Variants in TSC22D1 observed in about 807,000 individuals in gnomAD.
The protein encoded by TSC22D1 is TSC22 domain family protein 1.
Under a neutral mutation model 74.2 loss-of-function variants are expected in TSC22D1, and 9 were observed. The observed-to-expected ratio is 0.12, with a 90% CI of 0.07 to 0.21. The LOEUF (loss-of-function observed/expected upper bound fraction) is 0.21. TSC22D1 is among the 10% of genes least tolerant of loss of function. The pLI, the probability that TSC22D1 is intolerant of heterozygous loss-of-function variation, is 1.00. For missense variants in TSC22D1, 1,427 were observed against 1,304.7 expected (o/e 1.09, Z -1.44); for synonymous variants, 586 against 492.5 (o/e 1.19, Z -2.51).
At chr13:44,456,245 G>C (rs141452431) in intron 1 of TSC22D1, among the ~76,000 whole-genome samples, 1 of 152,192 alleles carries the variant, frequency 6.6e-6, no homozygotes, top group Non-Finnish European at 1.5e-5. Flanking sequence ...CGGAGAAGAA[G>C]ACCCGAGCGG....
chr13:44,508,556 T>C (rs1451204335), intron 1 of TSC22D1, among the ~76,000 whole-genome samples: 2 of 152,190 alleles, frequency 1.3e-5, no homozygotes, highest in African/African-American at 4.8e-5. Context: ...CTTATTCCTC[T>C]ATAATCCGTT....
intron 2 of TSC22D1, 92 bp from the exon 3 acceptor site, chr13:44,434,975 A>C: frequency 1.8e-6 from 2 of 1,098,388 alleles, no homozygotes; most frequent in South Asian, 3.0e-5. Context: ...GGATCTCCCT[A>C]ACTATTTACA....
chr13:44,487,498 CAAAAAAAAAAAAAAA>C (rs61034237), intron 1 of TSC22D1, among the ~76,000 whole-genome samples: 103 of 23,462 alleles, frequency 4.4e-3, no homozygotes, highest in African/African-American at 0.021. Flanking sequence ...GACTCCATCT[CAAAAAAAAAAAAAAA>C]AAAAAAAAAA....
At position 44,434,673 on chromosome 13, in the gene TSC22D1, G is replaced by A; in HGVS notation, c.3175C>T (p.Gln1059Ter). 1 of 1,605,092 alleles carries A rather than the reference G, an allele frequency of 6.2e-7. No individual in the cohort carries two copies. The highest frequency in any genetic ancestry group is 8.5e-7 in the Non-Finnish European group (1 of 1,176,280). The part of the protein sequence containing the change: ...PATTQPQGTT[Q>*]PPAQPASQGS... ...TGCGATGCTGGCTGGGCGGGGGGCT[G>A]TGTGGTGCCCTGTGGCTGGGTGGTG... Residue 1059 changes from glutamine (Q) to a stop codon, truncating the protein, a stop_gained, in exon 3 of 3, where the codon CAG becomes TAG. Coordinates refer to ENST00000458659, the MANE Select transcript of TSC22D1 (RefSeq NM_183422.4). LOFTEE classifies it high-confidence loss of function.
intron 2 of TSC22D1, chr13:44,435,208 C>A (rs1040096677): frequency 1.4e-5 from 3 of 221,316 alleles, no homozygotes; most frequent in African/African-American, 4.6e-5. Context: ...CAAGCCACAG[C>A]GCGCCCACCG....
chr13:44,512,525 T>C (rs771713139), intron 1 of TSC22D1, among the ~76,000 whole-genome samples: 4 of 152,184 alleles, frequency 2.6e-5, no homozygotes, highest in Admixed American at 6.5e-5. Context: ...TCTGTAAACC[T>C]GTTTCTCCTA....
intron 1 of TSC22D1, chr13:44,539,016 G>T: frequency 1.0e-6 from 1 of 985,350 alleles, no homozygotes; most frequent in Non-Finnish European, 1.2e-6. Context: ...CATTGTAGGT[G>T]ATAAGAACTT....
chr13:44,566,332 C>A (rs540169595), intron 1 of TSC22D1, among the ~76,000 whole-genome samples: 6 of 152,078 alleles, frequency 3.9e-5, no homozygotes, highest in African/African-American at 1.4e-4. Flanking sequence ...AAATACTCAG[C>A]AAGTTTCAGT....
intron 1 of TSC22D1, among the ~76,000 whole-genome samples, chr13:44,553,215 A>C (rs976587726): frequency 5.9e-5 from 9 of 152,194 alleles, no homozygotes; most frequent in Non-Finnish European, 1.2e-4. Context: ...TATATGATGA[A>C]AGAGTTGGAT....
intron 1 of TSC22D1, among the ~76,000 whole-genome samples, chr13:44,443,974 A>G (rs1875407856): frequency 1.3e-5 from 2 of 152,190 alleles, no homozygotes; most frequent in Non-Finnish European, 2.9e-5. Flanking sequence ...AAGATAGCAG[A>G]TTTAAACCAA....
chr13:44,435,599 C>T (rs1566109279), intron 2 of TSC22D1, among the ~76,000 whole-genome samples: 2 of 152,194 alleles, frequency 1.3e-5, no homozygotes, highest in African/African-American at 2.4e-5. Flanking sequence ...CCCGCGCCAC[C>T]GGGGACCCGT....
At chr13:44,439,528 T>A (rs1449248515) in intron 1 of TSC22D1, among the ~76,000 whole-genome samples, 6 of 152,228 alleles carry the variant, frequency 3.9e-5, no homozygotes, top group Non-Finnish European at 8.8e-5. Flanking sequence ...AAACGATCCA[T>A]ATGTCTGGTG....
Position 44,434,466 on chromosome 13 carries a change from A to T in TSC22D1, c.*160T>A, listed in dbSNP as rs1026250174. 4.3e-6 allele frequency: 6 copies of T among 1,381,812 alleles called. No homozygotes were observed. The highest frequency in any genetic ancestry group is 5.6e-6 in the Non-Finnish European group (6 of 1,075,072). 85.6% of individuals were successfully genotyped at this position (1,381,812 alleles called of 1,614,324 possible). A position where few individuals can be genotyped will look rare whatever the true frequency, so the allele number is the denominator to read the frequency against. On this transcript the variant is annotated 3_prime_UTR_variant, in exon 3 of 3. Transcript: ENST00000458659. ...AATTTCTCCAAGCCATAAGCATATG[A>T]GTGTTTAATACTGGAAAAGAGATAA...
intron 1 of TSC22D1, among the ~76,000 whole-genome samples, chr13:44,476,956 G>T (rs1316896606): frequency 6.6e-6 from 1 of 151,022 alleles, no homozygotes; most frequent in Non-Finnish European, 1.5e-5. Context: ...GGCACGAGTT[G>T]CCACACCTGG....
intron 1 of TSC22D1, among the ~76,000 whole-genome samples, chr13:44,534,698 C>T (rs890558317): frequency 6.6e-6 from 1 of 152,094 alleles, no homozygotes; most frequent in Non-Finnish European, 1.5e-5. Context: ...TACAAGACTT[C>T]CGAGTTACAG....
intron 1 of TSC22D1, among the ~76,000 whole-genome samples, chr13:44,445,863 A>C (rs963648797): frequency 6.6e-6 from 1 of 152,220 alleles, no homozygotes; most frequent in African/African-American, 2.4e-5. Context: ...ATATAGTTTA[A>C]ATTTTAAACC....
At chr13:44,496,382 T>A (rs1388190619) in intron 1 of TSC22D1, among the ~76,000 whole-genome samples, 2 of 151,900 alleles carry the variant, frequency 1.3e-5, no homozygotes, top group African/African-American at 2.4e-5. Context: ...CAAAACTTTT[T>A]TAAAAAAATC....
intron 1 of TSC22D1, among the ~76,000 whole-genome samples, chr13:44,569,704 T>C (rs1009473792): frequency 6.6e-6 from 1 of 152,204 alleles, no homozygotes; most frequent in African/African-American, 2.4e-5. Context: ...CCTAAAAATG[T>C]TGATGAGAGA....
At chr13:44,456,281 A>C (rs1595091828) in intron 1 of TSC22D1, among the ~76,000 whole-genome samples, 1 of 152,230 alleles carries the variant, frequency 6.6e-6, no homozygotes, top group South Asian at 2.1e-4. Context: ...TGGAGTAGCC[A>C]GCTTTTATTC....
Sources: allele counts gnomAD v4.1 joint callset (sites outside exome capture counted in the v4.1 genomes callset), GRCh38; gene constraint gnomAD v4.1.1; transcripts MANE v1.5; gene names NCBI Gene and HGNC (gene_info 2026-07-23, HGNC 2026-07-21).